TMEM94: variants seen among roughly 807,000 people sequenced by gnomAD.
The protein encoded by TMEM94 is ER Mg2+ ATPase.
In TMEM94, 81 loss-of-function variants were observed where a neutral mutation model predicts 158.6. That is an observed-to-expected ratio of 0.51 (90% CI 0.43 to 0.61). The LOEUF is 0.61. Ranked by LOEUF, TMEM94 falls within the 20% of genes least tolerant of loss-of-function variation. TMEM94 has a pLI of 0.00. For synonymous variants in TMEM94, 751 were observed against 730.7 expected, an observed-to-expected ratio of 1.03 and a Z score of -0.45; for missense variants, 1,435 against 1,762.0, an observed-to-expected ratio of 0.81 and a Z score of 3.32.
At chr17:75,459,873 T>C (rs1442443310) in intron 1 of TMEM94, 2 of 152,174 alleles carry the variant, frequency 1.3e-5, no homozygotes, top group African/African-American at 4.8e-5. Flanking sequence ...AAAATATTGT[T>C]TAAAGCCCGT....
intron 2 of TMEM94, among the ~76,000 whole-genome samples, chr17:75,483,488 T>G (rs2051339109): frequency 6.9e-6 from 1 of 145,964 alleles, no homozygotes; most frequent in Non-Finnish European, 1.5e-5. Flanking sequence ...TGAGACAGAG[T>G]CTAGCTCTGT....
At chr17:75,499,123 G>A in intron 31 of TMEM94, 41 bp downstream of exon 31, 2 of 1,576,424 alleles carry the variant, frequency 1.3e-6, no homozygotes, top group Non-Finnish European at 1.7e-6. Flanking sequence ...GCTCAGGCAT[G>A]TTCCCTAAAC....
chr17:75,499,536 G>C lies in TMEM94; in HGVS notation c.*202G>C. On this transcript the variant is annotated 3_prime_UTR_variant, in exon 32 of 32. Coordinates refer to ENST00000314256, the MANE Select transcript of TMEM94 (RefSeq NM_014738.6). ...GGAGGAGCTGACGGCCTGGGCCCTT[G>C]GCCAGTCCTGGCTCTTCCCTGGGCC... is the stretch of plus-strand genomic sequence containing the variant. 1.7e-6 allele frequency: 1 copy of C among 603,210 alleles called. No homozygotes were observed. Among genetic ancestry groups the C allele is most frequent in the Non-Finnish European group, 2.9e-6 (1 of 340,490 alleles). The allele number at this position is 603,210 out of a possible 1,614,324, so 37.4% of individuals were successfully genotyped here.
In TMEM94 at chr17:75,487,749, G is replaced by C. The variant is rs76778441; in HGVS notation, c.410-183G>C. 0.042 allele frequency among the ~76,000 whole-genome samples: 6,403 copies of C among 152,164 alleles called. 140 individuals are homozygous for C. Among genetic ancestry groups the C allele is most frequent in the Middle Eastern group, 0.095 (28 of 294 alleles). The stretch of plus-strand genomic sequence containing the variant: ...TAGAGGCTCTGGGGCTGGAGTGGCC[G>C]GGTAGGGCTTTATAAGGGAGGCATC... On this transcript the variant is annotated intron_variant, in intron 5 of 31. Coordinates refer to ENST00000314256, the MANE Select transcript of TMEM94 (RefSeq NM_014738.6). This position sits in a 1 kb window ranked among gnomAD's most constrained non-coding sequence, Gnocchi z 4.6.
In TMEM94 at chr17:75,469,155, A is replaced by G. The variant is rs116712563; in HGVS notation, c.-106-2645A>G. On this transcript the variant is annotated intron_variant, in intron 1 of 31. Transcript: ENST00000314256. ...AGGTGCCTGTTGAGCACTGCACTCAACCACGTGAGGGGCTGCGGGCTTGCA... is the reference window on the plus strand; with the variant it reads ...AGGTGCCTGTTGAGCACTGCACTCAGCCACGTGAGGGGCTGCGGGCTTGCA... Among the ~76,000 whole-genome samples, 474 of 152,136 alleles carry G rather than the reference A, an allele frequency of 3.1e-3. 7 individuals carry two copies. Among genetic ancestry groups the G allele is most frequent in the African/African-American group, 0.011 (463 of 41,512 alleles).
chr17:75,488,716 G>A lies in TMEM94; in HGVS notation c.613-43G>A, dbSNP rs369143950. 10 of 1,609,064 alleles carry A rather than the reference G, an allele frequency of 6.2e-6. No homozygotes were observed. The Admixed American group carries it at 8.4e-5, about 14-fold the overall frequency. The stretch of plus-strand genomic sequence containing the variant: ...GAATTGTCCAGGAAGAGTGGCCTCT[G>A]ATAGGACCCTCTCGTTCCCACTCTC... On this transcript the variant is annotated intron_variant, in intron 6 of 31. Transcript: ENST00000314256.
chr17:75,462,001 G>GTTTTTTTTTT lies in TMEM94; in HGVS notation c.-107+5254_-107+5255insTTTTTTTTTT, dbSNP rs1230233393. On this transcript the variant is annotated intron_variant, in intron 1 of 31. Coordinates refer to ENST00000314256, the MANE Select transcript of TMEM94 (RefSeq NM_014738.6). Reference sequence around the variant, plus strand: ...TAAATTTTACAGTTTTTTTTGTTTTGTTTTGTTTTGTTTTTTTTTTTTTTG... The same window carrying GTTTTTTTTTT: ...TAAATTTTACAGTTTTTTTTGTTTTGTTTTTTTTTTTTTTGTTTTGTTTTTTTTTTTTTTG... 1.3e-3 allele frequency among the ~76,000 whole-genome samples: 108 copies of GTTTTTTTTTT among 85,686 alleles called. 12 individuals carry two copies. The highest frequency in any genetic ancestry group is 1.7e-3 in the Non-Finnish European group (82 of 48,614). 56.2% of individuals were successfully genotyped at this position (85,686 alleles called of 152,430 possible). A position where few individuals can be genotyped will look rare whatever the true frequency, so the allele number is the denominator to read the frequency against.
Position 75,498,968 on chromosome 17 carries a change from A to G in TMEM94, c.3884A>G (p.Asp1295Gly). 1 of 1,593,876 alleles carries G rather than the reference A, an allele frequency of 6.3e-7. No individual in the cohort carries two copies. The highest frequency in any genetic ancestry group is 8.5e-7 in the Non-Finnish European group (1 of 1,170,036). ...GACCTGCAGCTGTGGACACACAGGG[A>G]CAGCCACGTCCACTTTGGCCTGGAG... ...AVDLQLWTHRDSHVHFGLEDV... is the reference protein window; with the variant it reads ...AVDLQLWTHRGSHVHFGLEDV... Residue 1295 changes from aspartate to glycine, a missense_variant, in exon 31 of 32, where the codon GAC becomes GGC. By Grantham distance (94) the Asp-to-Gly change is moderately conservative. This residue lies in a region of TMEM94 where 335 missense variants were observed against 409.1 expected (regional missense o/e 0.82). Transcript: ENST00000314256. This position sits in a 1 kb window ranked among gnomAD's most constrained non-coding sequence, Gnocchi z 6.7.
chr17:75,468,529 G>T (rs1403783690), intron 1 of TMEM94, among the ~76,000 whole-genome samples: 2 of 152,224 alleles, frequency 1.3e-5, no homozygotes, highest in Non-Finnish European at 2.9e-5. Flanking sequence ...CCTTGGGGAG[G>T]AGTGGATTTG....
chr17:75,493,042 A>G lies in TMEM94; in HGVS notation c.2026A>G (p.Thr676Ala). 6.2e-7 allele frequency: 1 copy of G among 1,613,552 alleles called. No individual in the cohort carries two copies. The highest frequency in any genetic ancestry group is 8.5e-7 in the Non-Finnish European group (1 of 1,180,026). Residue 676 changes from threonine (T) to alanine (A), a missense_variant, in exon 16 of 32, where the codon ACC becomes GCC. By Grantham distance (58) the Thr-to-Ala change is moderately conservative. Around this residue, in one of 3 missense-constraint regions of TMEM94, gnomAD observed 1,051 missense variants for 1,254.4 expected, o/e 0.84. Transcript: ENST00000314256. Reference protein sequence around the residue: ...ETSLGRLSCVTKRRPPLSHMI... With the variant: ...ETSLGRLSCVAKRRPPLSHMI... ...ATCGCTGGGGCGGCTCTCCTGTGTC[A>G]CCAAGCGGCGGCCTCCCCTCAGCCA...
Position 75,490,299 on chromosome 17 carries a change from T to G in TMEM94, c.1020T>G (p.Cys340Trp). 6.2e-7 allele frequency: 1 copy of G among 1,614,110 alleles called. No individual in the cohort carries two copies. The highest frequency in any genetic ancestry group is 8.5e-7 in the Non-Finnish European group (1 of 1,180,024). ...TCCTCTGGGTTCTGGCAACTGCCTG[T>G]GGAGAGGCCCGTGTCCTGGCCCAGA... ...FPVLWVLATA[C>W]GEARVLAQMS... The change falls in exon 10 of 32, where the codon TGT becomes TGG. Residue 340 changes from cysteine (C) to tryptophan (W), a missense_variant. Cys to Trp is a radical substitution (Grantham distance 215). Coordinates refer to ENST00000314256, the MANE Select transcript of TMEM94 (RefSeq NM_014738.6).
At chr17:75,461,995 TGTTTTG>T (rs2050088004) in intron 1 of TMEM94, among the ~76,000 whole-genome samples, 1 of 77,454 alleles carries the variant, frequency 1.3e-5, no homozygotes, top group Non-Finnish European at 3.3e-5. Flanking sequence ...CAGTTTTTTT[TGTTTTG>T]TTTTGTTTTG....
chr17:75,478,116 C>T (rs1325945185), intron 2 of TMEM94, among the ~76,000 whole-genome samples: 125 of 126,984 alleles, frequency 9.8e-4, no homozygotes, highest in Non-Finnish European at 1.9e-3. Context: ...CCCGGGTTCA[C>T]GCCATTCTCC....
At chr17:75,488,460 T>C (rs1367117557) in intron 6 of TMEM94, among the ~76,000 whole-genome samples, 1 of 152,190 alleles carries the variant, frequency 6.6e-6, no homozygotes, top group Non-Finnish European at 1.5e-5. Flanking sequence ...TTTTTATTTT[T>C]TGGTAGAGAT....
At chr17:75,468,672 C>T (rs555012945) in intron 1 of TMEM94, among the ~76,000 whole-genome samples, 2 of 152,302 alleles carry the variant, frequency 1.3e-5, no homozygotes, top group African/African-American at 2.4e-5. Context: ...GTGGAAGAGA[C>T]GTGGTTGCTC....
chr17:75,492,360 G>A lies in TMEM94; in HGVS notation c.1597-114G>A, dbSNP rs1351962449. On this transcript the variant is annotated intron_variant, in intron 14 of 31. Transcript: ENST00000314256. This position sits in a 1 kb window ranked among gnomAD's most constrained non-coding sequence, Gnocchi z 4.4. ...AGGGTGAGCAGCAGCTCTCTCCTGG[G>A]AAGGGTGCCTTTCAGGGGCAGGAGC... is the stretch of plus-strand genomic sequence containing the variant. 1.4e-6 allele frequency: 2 copies of A among 1,453,650 alleles called. No individual in the cohort carries two copies. The highest frequency in any genetic ancestry group is 2.9e-5 in the African/African-American group (2 of 70,044). The allele number at this position is 1,453,650 out of a possible 1,614,324, so 90.0% of individuals were successfully genotyped here.
chr17:75,479,131 G>T (rs975655134), intron 2 of TMEM94, among the ~76,000 whole-genome samples: 1 of 152,066 alleles, frequency 6.6e-6, no homozygotes, highest in Non-Finnish European at 1.5e-5. Context: ...AAAGTATGAA[G>T]GTCTTCTGCT....
intron 2 of TMEM94, among the ~76,000 whole-genome samples, chr17:75,473,423 G>C (rs1037363903): frequency 6.6e-6 from 1 of 152,210 alleles, no homozygotes. Context: ...TATGTCCCCA[G>C]AGGCTCTGCT....
rs541662206 is a variant in TMEM94, at chr17:75,480,648, C to T, written c.25-4780C>T. ...TTCAGGCCTGACCAAAGGAGGGACACCTCCCTGGCTCTCTGACTACTCCTC... is the reference window on the plus strand; with the variant it reads ...TTCAGGCCTGACCAAAGGAGGGACATCTCCCTGGCTCTCTGACTACTCCTC... On this transcript the variant is annotated intron_variant, in intron 2 of 31. Coordinates refer to ENST00000314256, the MANE Select transcript of TMEM94 (RefSeq NM_014738.6). 1.0e-3 allele frequency among the ~76,000 whole-genome samples: 155 copies of T among 152,348 alleles called. 2 individuals are homozygous for T. The highest frequency in any genetic ancestry group is 3.4e-3 in the African/African-American group (143 of 41,572).
Sources: allele counts gnomAD v4.1 joint callset (sites outside exome capture counted in the v4.1 genomes callset), GRCh38; gene constraint gnomAD v4.1.1; regional missense constraint gnomAD v4.1.1; non-coding constraint Gnocchi (gnomAD v3.1); transcripts MANE v1.5; gene names NCBI Gene and HGNC (gene_info 2026-07-23, HGNC 2026-07-21).